ATG7: variants seen among roughly 807,000 people sequenced by gnomAD.
ATG7 encodes the protein ubiquitin-like modifier-activating enzyme ATG7.
A neutral mutation model predicts 82.4 loss-of-function variants in ATG7; 70 were observed. That is an observed-to-expected ratio of 0.85 (90% CI 0.70 to 1.04). The LOEUF (loss-of-function observed/expected upper bound fraction) is 1.04. Ranked by LOEUF, ATG7 falls within the 50% of genes least tolerant of loss-of-function variation. The probability of loss-of-function intolerance (pLI) is 0.00; values close to 1 mark genes in which losing one functional copy is unlikely to be tolerated. For missense variants in ATG7, 792 were observed against 864.3 expected (o/e 0.92, Z 1.05); for synonymous variants, 287 against 313.0 (o/e 0.92, Z 0.88).
At chr3:11,559,966 G>A (rs1016374847), downstream of ATG7, among the ~76,000 whole-genome samples, 1 of 152,186 alleles carries the variant, frequency 6.6e-6, no homozygotes, top group East Asian at 1.9e-4. Flanking sequence ...TCGGGACAGA[G>A]AGGAAATGGA....
chr3:11,442,140 A>G (rs1317003207), intron 20 of ATG7, among the ~76,000 whole-genome samples: 1 of 152,180 alleles, frequency 6.6e-6, no homozygotes, highest in Non-Finnish European at 1.5e-5. Flanking sequence ...TGGAAATACA[A>G]TGTTATCATC....
intron 20 of ATG7, among the ~76,000 whole-genome samples, chr3:11,486,993 G>A (rs370860407): frequency 4.0e-5 from 6 of 151,766 alleles, no homozygotes; most frequent in Admixed American, 1.3e-4. Context: ...CTTCCGCAGT[G>A]TTTGTGTCCC....
At chr3:11,281,469 T>C (rs1943018025) in intron 2 of ATG7, among the ~76,000 whole-genome samples, 1 of 152,182 alleles carries the variant, frequency 6.6e-6, no homozygotes, top group East Asian at 1.9e-4. Context: ...AACCCATCTT[T>C]ATTCTTATCT....
intron 20 of ATG7, among the ~76,000 whole-genome samples, chr3:11,442,737 T>TAAA (rs2084099731): frequency 1.7e-4 from 1 of 5,822 alleles, no homozygotes; most frequent in African/African-American, 3.9e-4. Flanking sequence ...ACTCCATCTC[T>TAAA]ACAAAAAAAA....
chr3:11,513,857 GTAGCTGC>G (rs2092172212), intron 20 of ATG7, among the ~76,000 whole-genome samples: 1 of 152,202 alleles, frequency 6.6e-6, no homozygotes. Context: ...CAAGAATATC[GTAGCTGC>G]TGTCTTATGA....
At chr3:11,542,531 A>T (rs561890336) in intron 20 of ATG7, among the ~76,000 whole-genome samples, 14 of 152,184 alleles carry the variant, frequency 9.2e-5, no homozygotes, top group Middle Eastern at 3.4e-3. Flanking sequence ...GTACCTTGCC[A>T]TGGGCCATGG....
chr3:11,551,723 C>G (rs2071805832), intron 20 of ATG7, among the ~76,000 whole-genome samples: 2 of 151,890 alleles, frequency 1.3e-5, no homozygotes, highest in African/African-American at 2.4e-5. Context: ...AGCCGCTGTG[C>G]CCAGCCAATA....
At position 11,333,083 on chromosome 3, in the gene ATG7, A is replaced by G. The variant is rs541523670; in HGVS notation, c.879A>G (p.Ala293=). ...TCGAAGTGAAGCTTCCAGAAATGGC[A>G]TTTAGCCCAGGTAATTTGCCGGTCT... is the stretch of plus-strand genomic sequence containing the variant. ...IIFEVKLPEM[A]FSPDCPKAVG... is the part of the protein sequence containing the mutation. The change falls in exon 11 of 21, where the codon GCA becomes GCG. Residue 293 remains alanine, a synonymous_variant. Coordinates refer to ENST00000693202, the MANE Select transcript of ATG7 (RefSeq NM_001349232.2). 6 of 1,558,150 alleles carry G rather than the reference A, an allele frequency of 3.9e-6. No homozygotes were observed. The highest frequency in any genetic ancestry group is 2.0e-5 in the Admixed American group (1 of 49,578).
chr3:11,335,993 C>T (rs1248964751), intron 11 of ATG7, among the ~76,000 whole-genome samples: 1 of 151,648 alleles, frequency 6.6e-6, no homozygotes, highest in East Asian at 1.9e-4. Context: ...GCCTCGGCCT[C>T]CCAAAGTGCT....
At chr3:11,347,554 A>G (rs1253419661) in intron 13 of ATG7, among the ~76,000 whole-genome samples, 1 of 152,204 alleles carries the variant, frequency 6.6e-6, no homozygotes, top group East Asian at 1.9e-4. Context: ...TAATCTTTTT[A>G]AAACAACAAC....
At chr3:11,475,907 A>ACACACACCCC (rs766157655) in intron 20 of ATG7, among the ~76,000 whole-genome samples, 1 of 146,252 alleles carries the variant, frequency 6.8e-6, no homozygotes, top group African/African-American at 2.6e-5. Flanking sequence ...ACACACACAC[A>ACACACACCCC]CCCCCTCCCA....
intron 20 of ATG7, among the ~76,000 whole-genome samples, chr3:11,502,940 G>C (rs1285720324): frequency 6.6e-6 from 1 of 152,126 alleles, no homozygotes; most frequent in Non-Finnish European, 1.5e-5. Context: ...GGTAAAACAG[G>C]CTTTTGGATT....
intron 20 of ATG7, among the ~76,000 whole-genome samples, chr3:11,481,722 C>G (rs572808413): frequency 6.6e-6 from 1 of 152,324 alleles, no homozygotes; most frequent in East Asian, 1.9e-4. Context: ...GCTTCAGCTC[C>G]TATCTTGAGA....
At chr3:11,476,115 G>C (rs1559703131) in intron 20 of ATG7, among the ~76,000 whole-genome samples, 1 of 152,184 alleles carries the variant, frequency 6.6e-6, no homozygotes, top group Non-Finnish European at 1.5e-5. Context: ...CAAAGGGTCA[G>C]GTCCTCTCCT....
intron 19 of ATG7, among the ~76,000 whole-genome samples, chr3:11,385,980 C>T (rs1206055002): frequency 2.0e-5 from 3 of 152,228 alleles, no homozygotes; most frequent in Non-Finnish European, 2.9e-5. Flanking sequence ...TTGAATTTTA[C>T]AATAACATGT....
chr3:11,493,528 G>T lies in ATG7; in HGVS notation c.2080-61283G>T, dbSNP rs2090569776. Among the ~76,000 whole-genome samples, 7 of 152,182 alleles carry T rather than the reference G, an allele frequency of 4.6e-5. No homozygotes were observed. The South Asian group carries it at 1.4e-3, about 32-fold the overall frequency. ...GGTTTCAGGCTACTTCTGGCTTGAA[G>T]GTGGGGTTTCCACTGGGGACCTGCC... is the stretch of plus-strand genomic sequence containing the variant. On this transcript the variant is annotated intron_variant, in intron 20 of 20. Coordinates refer to ENST00000693202, the MANE Select transcript of ATG7 (RefSeq NM_001349232.2).
At chr3:11,504,312 A>C (rs916352579) in intron 20 of ATG7, among the ~76,000 whole-genome samples, 1 of 152,252 alleles carries the variant, frequency 6.6e-6, no homozygotes, top group African/African-American at 2.4e-5. Context: ...CCGCTCATTG[A>C]ATATGAACAT....
intron 20 of ATG7, among the ~76,000 whole-genome samples, chr3:11,478,917 C>T (rs151046389): frequency 1.3e-3 from 204 of 151,424 alleles, no homozygotes; most frequent in African/African-American, 4.6e-3. Context: ...CTCTGGGTAA[C>T]TTAAGTGGCT....
At chr3:11,571,887 G>A in the ATG7 span, among the ~76,000 whole-genome samples, 1 of 152,052 alleles carries the variant, frequency 6.6e-6, no homozygotes, top group Non-Finnish European at 1.5e-5. Flanking sequence ...CCGGCAGATG[G>A]CTTTAGCCTA....
Sources: gnomAD v4.1 joint callset for allele counts (sites outside exome capture counted in the v4.1 genomes callset) on GRCh38, gnomAD v4.1.1 for gene constraint, MANE v1.5 for transcripts, NCBI Gene and HGNC (gene_info 2026-07-23, HGNC 2026-07-21) for gene names.